MED18: variants seen among roughly 807,000 people sequenced by gnomAD.
MED18 encodes mediator of RNA polymerase II transcription subunit 18.
A neutral mutation model predicts 13.9 loss-of-function variants in MED18; 10 were observed. That is an observed-to-expected ratio of 0.72 (90% CI 0.44 to 1.22). The LOEUF is 1.22. Ranked by LOEUF, MED18 falls within the 50% of genes most tolerant of loss-of-function variation. The pLI is 0.00. For synonymous variants in MED18, 88 were observed against 93.2 expected (o/e 0.94, Z 0.32); for missense variants, 216 against 279.0 (o/e 0.77, Z 1.61).
At chr1:28,329,312 G>A (rs1553177051) in intron 1 of MED18, 132 bp downstream of exon 1, 2 of 112,166 alleles carry the variant, frequency 1.8e-5, no homozygotes, top group African/African-American at 7.2e-5. Flanking sequence ...TTGAGACGGA[G>A]TTTCGCTCTT....
chr1:28,331,066 C>T (rs1038146255), intron 2 of MED18, among the ~76,000 whole-genome samples: 55 of 151,704 alleles, frequency 3.6e-4, no homozygotes, highest in Non-Finnish European at 2.4e-4. Flanking sequence ...TGGTGGCGGG[C>T]ACCTGTAGTC....
chr1:28,333,223 CGTG>C (rs1355790242), intron 2 of MED18, among the ~76,000 whole-genome samples: 3 of 152,100 alleles, frequency 2.0e-5, no homozygotes, highest in African/African-American at 7.2e-5. Context: ...GAGATAAAAA[CGTG>C]GGAGTCCTCA....
intron 2 of MED18, among the ~76,000 whole-genome samples, chr1:28,333,903 CTT>C (rs1243698366): frequency 1.3e-5 from 2 of 152,080 alleles, no homozygotes; most frequent in South Asian, 2.1e-4. Flanking sequence ...AAATGGAAGA[CTT>C]TGATTTGTTG....
Position 28,335,700 on chromosome 1 carries a change from T to TA in MED18, c.*732dup. The TA allele has an allele frequency of 6.6e-6, 1 of 152,180 alleles. No individual in the cohort carries two copies. The highest frequency in any genetic ancestry group is 2.1e-4 in the South Asian group (1 of 4,828). The allele number at this position is 152,180 out of a possible 1,614,324, so 9.4% of individuals were successfully genotyped here. A position where few individuals can be genotyped will look rare whatever the true frequency, so the allele number is the denominator to read the frequency against. ...AGCCGGGCATGGTAGCAGGCGCTTG[T>TA]AATCCCAGCTACTTGGGAGGCTGAG... On this transcript the variant is annotated 3_prime_UTR_variant, in exon 3 of 3. Transcript: ENST00000373842.
chr1:28,334,208 C>T (rs752582680), intron 2 of MED18, among the ~76,000 whole-genome samples: 1 of 152,080 alleles, frequency 6.6e-6, no homozygotes, highest in Non-Finnish European at 1.5e-5. Flanking sequence ...TAAGAAAATT[C>T]CAAAAAAATT....
chr1:28,334,204 A>C (rs146831927), intron 2 of MED18, among the ~76,000 whole-genome samples: 1 of 152,376 alleles, frequency 6.6e-6, no homozygotes, highest in Non-Finnish European at 1.5e-5. Context: ...TAAATAAGAA[A>C]ATTCCAAAAA....
At chr1:28,330,844 C>CT (rs1649698894) in intron 2 of MED18, 109 bp downstream of exon 2, 1 of 771,602 alleles carries the variant, frequency 1.3e-6, no homozygotes, top group South Asian at 2.0e-5. Flanking sequence ...TGGCACCCAG[C>CT]TATGTTTTTA....
At position 28,334,734 on chromosome 1, in the gene MED18, G is replaced by C; in HGVS notation, c.391G>C (p.Ala131Pro). The change falls in exon 3 of 3, where the codon GCT becomes CCT. Residue 131 changes from alanine to proline, a missense_variant. Ala to Pro is a conservative substitution (Grantham distance 27, BLOSUM62 -1). Coordinates refer to ENST00000373842, the MANE Select transcript of MED18 (RefSeq NM_017638.3). ...CTTCCGCATGGACCATGAGTTTGTT[G>C]CTAAGGGACATTTGTTCCGTAAGGG... ...MGFRMDHEFV[A>P]KGHLFRKGIM... 6.2e-7 allele frequency: 1 copy of C among 1,614,176 alleles called. No homozygotes were observed.
chr1:28,332,964 C>T (rs779952830), intron 2 of MED18, among the ~76,000 whole-genome samples: 7 of 152,076 alleles, frequency 4.6e-5, no homozygotes, highest in African/African-American at 9.7e-5. Context: ...TTCAAAAATA[C>T]GGATTCAATG....
chr1:28,333,826 C>T (rs977679124), intron 2 of MED18, among the ~76,000 whole-genome samples: 4 of 152,192 alleles, frequency 2.6e-5, no homozygotes, highest in African/African-American at 9.6e-5. Context: ...CACCACTGCA[C>T]TCCAGCCTGA....
intron 2 of MED18, 160 bp downstream of exon 2, chr1:28,330,895 C>T: frequency 2.1e-6 from 1 of 470,058 alleles, no homozygotes; most frequent in East Asian, 5.0e-5. Context: ...ACTAAACATA[C>T]TAAATTTGCC....
chr1:28,330,836 G>A (rs1649698529), intron 2 of MED18, 101 bp downstream of exon 2: 1 of 818,396 alleles, frequency 1.2e-6, no homozygotes, highest in South Asian at 1.9e-5. Flanking sequence ...ACAGTTTCTG[G>A]CACCCAGCTA....
rs374147233 is a variant in MED18, at chr1:28,334,809, A to G, written c.466A>G (p.Asn156Asp). ...GATTTTCCGCATCCTGGTGCCAGGG[A>G]ACACAGACAGCACTGAGGCCTTGTC... ...YKIFRILVPG[N>D]TDSTEALSLS... is the part of the protein sequence containing the mutation. Residue 156 changes from asparagine (N) to aspartate (D), a missense_variant, in exon 3 of 3, where the codon AAC (asparagine) becomes GAC (aspartate). Coordinates refer to ENST00000373842, the MANE Select transcript of MED18 (RefSeq NM_017638.3). The G allele has an allele frequency of 7.4e-6, 12 of 1,614,164 alleles. No individual in the cohort carries two copies. Among genetic ancestry groups the G allele is most frequent in the African/African-American group, 1.3e-5 (1 of 75,044 alleles).
intron 2 of MED18, among the ~76,000 whole-genome samples, chr1:28,332,615 G>T (rs1360032954): frequency 6.6e-6 from 1 of 152,104 alleles, no homozygotes; most frequent in African/African-American, 2.4e-5. Context: ...GTGGCAGGAA[G>T]GTCACTCCTG....
chr1:28,330,652 A>G lies in MED18; in HGVS notation c.-11A>G. 6.2e-7 allele frequency: 1 copy of G among 1,604,500 alleles called. No homozygotes were observed. Among genetic ancestry groups the G allele is most frequent in the South Asian group, 1.1e-5 (1 of 89,540 alleles). On this transcript the variant is annotated 5_prime_UTR_variant, in exon 2 of 3. Coordinates refer to ENST00000373842, the MANE Select transcript of MED18 (RefSeq NM_017638.3). ...TCTGAGTCCAGTTGTGTTGTCTTCA[A>G]CTTAGACACCATGGAGGCACCTCCA...
chr1:28,329,683 T>TTATAGTGAGCTAG (rs1649643643), intron 1 of MED18, among the ~76,000 whole-genome samples: 1 of 151,740 alleles, frequency 6.6e-6, no homozygotes, highest in African/African-American at 2.4e-5. Context: ...GAGTTCGAGG[T>TTATAGTGAGCTAG]TATAGTGAGC....
chr1:28,329,660 G>T (rs1322981166), intron 1 of MED18, among the ~76,000 whole-genome samples: 1 of 152,076 alleles, frequency 6.6e-6, no homozygotes, highest in Non-Finnish European at 1.5e-5. Flanking sequence ...CCAGCTACTC[G>T]GCTTGAGCCC....
At chr1:28,331,378 G>T (rs974116705) in intron 2 of MED18, among the ~76,000 whole-genome samples, 5 of 151,336 alleles carry the variant, frequency 3.3e-5, no homozygotes, top group African/African-American at 9.7e-5. Context: ...AGGCTGGAAC[G>T]CAGTGGCACA....
chr1:28,334,523 T>C lies in MED18; in HGVS notation c.180T>C (p.Leu60=), dbSNP rs1163252827. ...TFLDHEMVFL[L]KGQQASPFVL... is the part of the protein sequence containing the mutation. ...TTGACCATGAGATGGTATTCCTCCTTAAGGGCCAGCAAGCCAGCCCATTTG... is the reference window on the plus strand; with the variant it reads ...TTGACCATGAGATGGTATTCCTCCTCAAGGGCCAGCAAGCCAGCCCATTTG... Residue 60 remains leucine (L), a synonymous_variant, in exon 3 of 3, where the codon CTT becomes CTC. Coordinates refer to ENST00000373842, the MANE Select transcript of MED18 (RefSeq NM_017638.3). 6.2e-7 allele frequency: 1 copy of C among 1,613,968 alleles called. No individual in the cohort carries two copies. The highest frequency in any genetic ancestry group is 1.3e-5 in the African/African-American group (1 of 74,902).
Sources: gnomAD v4.1 joint callset for allele counts (sites outside exome capture counted in the v4.1 genomes callset) on GRCh38, gnomAD v4.1.1 for gene constraint, MANE v1.5 for transcripts, NCBI Gene and HGNC (gene_info 2026-07-23, HGNC 2026-07-21) for gene names.